PLA2G4C: variants seen among roughly 807,000 people sequenced by gnomAD.
PLA2G4C encodes the protein cytosolic phospholipase A2 gamma.
In PLA2G4C, 64 loss-of-function variants were observed where a neutral mutation model predicts 73.8. That is an observed-to-expected ratio of 0.87 (90% CI 0.71 to 1.07). The LOEUF (loss-of-function observed/expected upper bound fraction) is 1.07. PLA2G4C is among the 50% of genes least tolerant of loss of function. PLA2G4C has a pLI of 0.00. For missense variants in PLA2G4C, 622 were observed against 665.4 expected, an observed-to-expected ratio of 0.93 and a Z score of 0.72; for synonymous variants, 254 against 252.1, an observed-to-expected ratio of 1.01 and a Z score of -0.07.
chr19:48,109,532 A>C (rs1234040448), intron 1 of PLA2G4C, among the ~76,000 whole-genome samples: 1 of 152,198 alleles, frequency 6.6e-6, no homozygotes, highest in Non-Finnish European at 1.5e-5. Context: ...TTGGCTTCCC[A>C]AAACGCTGGG....
At chr19:48,062,339 G>T (rs1034916696) in intron 13 of PLA2G4C, 187 bp from the exon 14 acceptor site, 1 of 501,278 alleles carries the variant, frequency 2.0e-6, no homozygotes, top group East Asian at 3.7e-5. Flanking sequence ...GGCTGGGTGC[G>T]GTGCCTCACA....
intron 13 of PLA2G4C, among the ~76,000 whole-genome samples, chr19:48,063,493 G>T (rs1034574078): frequency 6.6e-6 from 1 of 151,828 alleles, no homozygotes; most frequent in African/African-American, 2.4e-5. Flanking sequence ...GGTGATTTTG[G>T]GGTCCCGAGA....
intron 14 of PLA2G4C, chr19:48,061,300 A>T (rs568759147): frequency 1.3e-5 from 2 of 152,054 alleles, no homozygotes; most frequent in African/African-American, 4.8e-5. Context: ...GGAGGGGAGG[A>T]AAATGTTTAT....
rs747130706 is a variant in PLA2G4C, at chr19:48,102,842, T to C, written c.257+1746A>G. Among the ~76,000 whole-genome samples, 21 of 152,228 alleles carry C rather than the reference T, an allele frequency of 1.4e-4. 1 individual carries two copies. The highest frequency in any genetic ancestry group is 2.5e-4 in the Non-Finnish European group (17 of 68,038). On this transcript the variant is annotated intron_variant, in intron 4 of 16. Coordinates refer to ENST00000599921, the MANE Select transcript of PLA2G4C (RefSeq NM_003706.3). ...TTTCATGTAAATTTTCCATTTCCTC[T>C]GTGTGTCGCCCTCTCCATGAGGCAG...
rs1322844498 is a variant in PLA2G4C, at chr19:48,057,480, CTTCTTTTTTTTTT to C, written c.1258-2444_1258-2432del. Among the ~76,000 whole-genome samples, 98 of 28,088 alleles carry C rather than the reference CTTCTTTTTTTTTT, an allele frequency of 3.5e-3. 2 individuals carry two copies. The South Asian group carries it at 0.035, about 10-fold the overall frequency. 18.4% of individuals were successfully genotyped at this position (28,088 alleles called of 152,430 possible). On this transcript the variant is annotated intron_variant, in intron 14 of 16. Transcript: ENST00000599921. ...GTTTCTTCTTCTTCTTCTTCTTCTT[CTTCTTTTTTTTTT>C]TTTTTTTTTTTTTTTTGACAGAGTC...
intron 9 of PLA2G4C, among the ~76,000 whole-genome samples, chr19:48,087,732 C>T (rs1261089177): frequency 6.6e-6 from 1 of 151,896 alleles, no homozygotes; most frequent in East Asian, 1.9e-4. Context: ...GTTGGGAGAT[C>T]GAGACCAGCC....
In PLA2G4C at chr19:48,095,151, G is replaced by C. The variant is rs570535681; in HGVS notation, c.709+313C>G. Among the ~76,000 whole-genome samples, 3 of 152,216 alleles carry C rather than the reference G, an allele frequency of 2.0e-5. No individual in the cohort carries two copies. In the East Asian group the frequency reaches 5.8e-4, roughly 29 times the overall value. Reference sequence around the variant, plus strand: ...GATCCTCCCAGGTCAGCCTCCCAAAGCACCATGTAATCCCAAACACATTCT... The same window carrying C: ...GATCCTCCCAGGTCAGCCTCCCAAACCACCATGTAATCCCAAACACATTCT... On this transcript the variant is annotated intron_variant, in intron 7 of 16. Transcript: ENST00000599921.
Position 48,077,872 on chromosome 19 carries a change from G to C in PLA2G4C, c.845-48C>G, listed in dbSNP as rs777386908. On this transcript the variant is annotated intron_variant, in intron 10 of 16. Coordinates refer to ENST00000599921, the MANE Select transcript of PLA2G4C (RefSeq NM_003706.3). ...GGAATGTTTAACTGTAAAGTCACTA[G>C]TTATAGAAAATACAGATTACCTGCA... 7 of 1,507,100 alleles carry C rather than the reference G, an allele frequency of 4.6e-6. No individual in the cohort carries two copies. The South Asian group carries it at 8.3e-5, about 18-fold the overall frequency. 93.4% of individuals were successfully genotyped at this position (1,507,100 alleles called of 1,614,324 possible). A position where few individuals can be genotyped will look rare whatever the true frequency, so the allele number is the denominator to read the frequency against.
intron 3 of PLA2G4C, 92 bp downstream of exon 3, chr19:48,105,217 CCCATAGAAGTTCATATCCTTCGGT>C: frequency 1.5e-6 from 1 of 684,966 alleles, no homozygotes; most frequent in East Asian, 2.6e-5. Flanking sequence ...CTATTTCTAT[CCCATAGAAGTTCATATCCTTCGGT>C]CCAGCTCTCC....
chr19:48,095,020 T>G (rs2031494898), intron 7 of PLA2G4C, among the ~76,000 whole-genome samples: 1 of 152,158 alleles, frequency 6.6e-6, no homozygotes, highest in South Asian at 2.1e-4. Flanking sequence ...CCTGAGTAGC[T>G]GGGACCACAG....
Position 48,048,261 on chromosome 19 carries a change from G to T in PLA2G4C, c.*82C>A. The T allele has an allele frequency of 1.1e-5, 11 of 977,040 alleles. No individual in the cohort carries two copies. Among genetic ancestry groups the T allele is most frequent in the African/African-American group, 1.7e-5 (1 of 60,496 alleles). The allele number at this position is 977,040 out of a possible 1,614,324, so 60.5% of individuals were successfully genotyped here. On this transcript the variant is annotated 3_prime_UTR_variant, in exon 17 of 17. Coordinates refer to ENST00000599921, the MANE Select transcript of PLA2G4C (RefSeq NM_003706.3). The stretch of plus-strand genomic sequence containing the variant: ...AGGCCATGAAGCGTGTGGCTGAAGG[G>T]AGTGAAGAACAGGAAGGCCAGGTGG...
chr19:48,105,363 A>T lies in PLA2G4C; in HGVS notation c.90T>A (p.Ala30=). 2 of 1,613,598 alleles carry T rather than the reference A, an allele frequency of 1.2e-6. No individual in the cohort carries two copies. Among genetic ancestry groups the T allele is most frequent in the Non-Finnish European group, 1.7e-6 (2 of 1,179,774 alleles). The stretch of plus-strand genomic sequence containing the variant: ...CAGCCTCAATCCTTAGCTTCTTCAG[A>T]GCTTTCAGCACATGAAGTCTTCGTC... ...VERRRLHVLK[A]LKKLRIEADE... Residue 30 remains alanine (A), a synonymous_variant, in exon 3 of 17, where the codon GCT becomes GCA. Transcript: ENST00000599921.
intron 8 of PLA2G4C, 92 bp downstream of exon 8, chr19:48,090,272 G>T (rs2031220512): frequency 1.1e-6 from 1 of 903,290 alleles, no homozygotes; most frequent in Non-Finnish European, 1.9e-6. Flanking sequence ...TTACACACAG[G>T]TCTCTCTTCT....
intron 16 of PLA2G4C, among the ~76,000 whole-genome samples, chr19:48,052,545 C>T (rs879894945): frequency 6.6e-6 from 1 of 152,134 alleles, no homozygotes; most frequent in Non-Finnish European, 1.5e-5. Context: ...GCCTTCGGAA[C>T]TGTGAGTCAA....
At chr19:48,100,977 T>C (rs7252136) in intron 4 of PLA2G4C, among the ~76,000 whole-genome samples, 42,737 of 146,834 alleles carry the variant, frequency 0.29, 9,627 homozygotes, top group African/African-American at 0.64. Flanking sequence ...AAATATATAT[T>C]ATATATATTA....
Position 48,062,061 on chromosome 19 carries a change from C to T in PLA2G4C, c.1194G>A (p.Leu398=). 1 of 1,613,784 alleles carries T rather than the reference C, an allele frequency of 6.2e-7. No individual in the cohort carries two copies. Among genetic ancestry groups the T allele is most frequent in the Non-Finnish European group, 8.5e-7 (1 of 1,179,870 alleles). ...LAINTPFPLV[L]PPTREVHLIL... The stretch of plus-strand genomic sequence containing the variant: ...TGAGGTGAACCTCCCGCGTCGGGGG[C>T]AGCACGAGTGGGAAGGGAGTGTTGA... Residue 398 remains leucine (L), a synonymous_variant, in exon 14 of 17, where the codon CTG becomes CTA. Transcript: ENST00000599921.
At chr19:48,105,942 C>CTTTCTTT (rs1568457661) in intron 2 of PLA2G4C, among the ~76,000 whole-genome samples, 4 of 35,576 alleles carry the variant, frequency 1.1e-4, no homozygotes, top group African/African-American at 1.8e-4. Context: ...TCCCTCCCTC[C>CTTTCTTT]CTCCCTTCTT....
Position 48,083,387 on chromosome 19 carries a change from CTTTTCTT to C in PLA2G4C, c.844+1665_844+1671del, listed in dbSNP as rs1412821716. Among the ~76,000 whole-genome samples the C allele has an allele frequency of 1.2e-4, 7 of 58,680 alleles. No homozygotes were observed. The South Asian group carries it at 1.6e-3, about 14-fold the overall frequency. The allele number at this position is 58,680 out of a possible 152,430, so 38.5% of individuals were successfully genotyped here. ...GAATTTTGTTGTTGTTGTTGATTTT[CTTTTCTT>C]TTTTTTTTTTTTTTTGTTTGTTTCA... On this transcript the variant is annotated intron_variant, in intron 10 of 16. Transcript: ENST00000599921.
intron 16 of PLA2G4C, among the ~76,000 whole-genome samples, chr19:48,049,065 G>T (rs1247974456): frequency 1.3e-5 from 2 of 152,032 alleles, no homozygotes; most frequent in African/African-American, 4.8e-5. Flanking sequence ...CTTCCACCAG[G>T]ATTGGATGCT....
Sources: gnomAD v4.1 joint callset for allele counts (sites outside exome capture counted in the v4.1 genomes callset) on GRCh38, gnomAD v4.1.1 for gene constraint, MANE v1.5 for transcripts, NCBI Gene and HGNC (gene_info 2026-07-23, HGNC 2026-07-21) for gene names.